MRPL13: variants seen among roughly 807,000 people sequenced by gnomAD.
MRPL13 encodes the protein mitochondrial ribosomal protein L13, also known as large ribosomal subunit protein uL13m.
In MRPL13, 33 loss-of-function variants were observed where a neutral mutation model predicts 29.0. The observed-to-expected ratio is 1.14, with a 90% CI of 0.86 to 1.52. The LOEUF (loss-of-function observed/expected upper bound fraction) is 1.52. Among genes scored for constraint, MRPL13 ranks in the 40% most tolerant of loss-of-function variants. MRPL13 has a pLI of 0.00. For synonymous variants in MRPL13, 77 were observed against 68.4 expected (o/e 1.13, Z -0.62); for missense variants, 227 against 216.7 (o/e 1.05, Z -0.30).
chr8:120,410,143 G>A (rs1279009808), intron 6 of MRPL13, among the ~76,000 whole-genome samples: 1 of 152,082 alleles, frequency 6.6e-6, no homozygotes, highest in African/African-American at 2.4e-5. Flanking sequence ...CAAATTATAA[G>A]ATGTACATTC....
chr8:120,400,004 A>C (rs998217150), intron 6 of MRPL13, among the ~76,000 whole-genome samples: 3 of 152,210 alleles, frequency 2.0e-5, no homozygotes, highest in African/African-American at 7.2e-5. Context: ...AGAGACCTAT[A>C]AAGAGACTTA....
Position 120,443,169 on chromosome 8 carries a change from C to T in MRPL13, c.151+16G>A. On this transcript the variant is annotated intron_variant, in intron 2 of 6. Coordinates refer to ENST00000306185, the MANE Select transcript of MRPL13 (RefSeq NM_014078.6). Reference sequence around the variant, plus strand: ...AAAACTACAGTGGTTAATGACAGGTCTAAAATAATACTTACTCAGTGCATG... The same window carrying T: ...AAAACTACAGTGGTTAATGACAGGTTTAAAATAATACTTACTCAGTGCATG... 6.6e-7 allele frequency: 1 copy of T among 1,522,346 alleles called. No individual in the cohort carries two copies. The highest frequency in any genetic ancestry group is 1.3e-5 in the South Asian group (1 of 74,840). The allele number at this position is 1,522,346 out of a possible 1,614,324, so 94.3% of individuals were successfully genotyped here.
chr8:120,421,497 C>A (rs1366432646), intron 4 of MRPL13, among the ~76,000 whole-genome samples: 1 of 151,800 alleles, frequency 6.6e-6, no homozygotes, highest in Non-Finnish European at 1.5e-5. Context: ...ACAGTAAGAA[C>A]TGATAAGCAA....
chr8:120,421,763 CAA>C (rs756120655), intron 4 of MRPL13, among the ~76,000 whole-genome samples: 52 of 151,858 alleles, frequency 3.4e-4, no homozygotes, highest in African/African-American at 1.0e-3. Context: ...ACAATTTCTA[CAA>C]AAGTTACCTA....
At chr8:120,409,573 G>C (rs950945052) in intron 6 of MRPL13, among the ~76,000 whole-genome samples, 1 of 151,634 alleles carries the variant, frequency 6.6e-6, no homozygotes, top group East Asian at 1.9e-4. Context: ...AAAGAAAAAA[G>C]AAAAAAAATC....
At chr8:120,442,342 T>A (rs1813134024) in intron 2 of MRPL13, among the ~76,000 whole-genome samples, 1 of 152,162 alleles carries the variant, frequency 6.6e-6, no homozygotes, top group Non-Finnish European at 1.5e-5. Context: ...AATTCTTCCA[T>A]GTGTGCTAAG....
chr8:120,420,444 A>G (rs1319771392), intron 4 of MRPL13, among the ~76,000 whole-genome samples: 2 of 147,650 alleles, frequency 1.4e-5, no homozygotes, highest in Non-Finnish European at 3.0e-5. Context: ...TAATGTATGT[A>G]AATATATATA....
chr8:120,428,603 C>G (rs1812960333), intron 3 of MRPL13, among the ~76,000 whole-genome samples: 2 of 152,024 alleles, frequency 1.3e-5, no homozygotes, highest in South Asian at 2.1e-4. Flanking sequence ...TGACAAAGGT[C>G]TAATATCCAG....
chr8:120,441,717 C>G (rs1024459948), intron 2 of MRPL13, among the ~76,000 whole-genome samples: 1 of 152,188 alleles, frequency 6.6e-6, no homozygotes, highest in East Asian at 1.9e-4. Flanking sequence ...CTTGGGAAAA[C>G]CAAAGAAATT....
intron 6 of MRPL13, among the ~76,000 whole-genome samples, chr8:120,408,775 TC>T (rs1394248626): frequency 6.6e-6 from 1 of 152,224 alleles, no homozygotes; most frequent in Non-Finnish European, 1.5e-5. Context: ...ATAATCTTTT[TC>T]TGAGTATTAA....
At chr8:120,444,834 C>T (rs1332445762) in intron 1 of MRPL13, 5 of 425,758 alleles carry the variant, frequency 1.2e-5, no homozygotes, top group South Asian at 8.2e-5. Context: ...CTTCCCCCCG[C>T]CCCCCCAAGA....
chr8:120,430,889 G>C (rs1166984349), intron 3 of MRPL13, among the ~76,000 whole-genome samples: 1 of 151,996 alleles, frequency 6.6e-6, no homozygotes, highest in Non-Finnish European at 1.5e-5. Flanking sequence ...AATTACCATA[G>C]CATTTTGTGT....
In MRPL13 at chr8:120,437,877, C is replaced by CA. The variant is rs576636618; in HGVS notation, c.151+5307dup. 2.2e-4 allele frequency among the ~76,000 whole-genome samples: 33 copies of CA among 151,448 alleles called. 1 individual carries two copies. The South Asian group carries it at 6.1e-3, about 28-fold the overall frequency. On this transcript the variant is annotated intron_variant, in intron 2 of 6. Transcript: ENST00000306185. ...TTCTGGGAAACTGTAGGTCAATTTT[C>CA]AAAAAAAATATGTTTATAGTGATTA...
intron 1 of MRPL13, among the ~76,000 whole-genome samples, chr8:120,444,158 A>AT (rs796320333): frequency 6.6e-6 from 1 of 151,740 alleles, no homozygotes; most frequent in Non-Finnish European, 1.5e-5. Context: ...GAAAAAAAAA[A>AT]TTTTTAATGA....
intron 6 of MRPL13, among the ~76,000 whole-genome samples, chr8:120,411,359 T>C (rs975363046): frequency 6.6e-6 from 1 of 152,176 alleles, no homozygotes; most frequent in Non-Finnish European, 1.5e-5. Flanking sequence ...TGAGCCACCA[T>C]GCCTGGCTGA....
intron 1 of MRPL13, among the ~76,000 whole-genome samples, chr8:120,444,303 G>A (rs983831722): frequency 7.9e-5 from 12 of 152,176 alleles, no homozygotes; most frequent in Non-Finnish European, 1.8e-4. Context: ...GCGGCACTGA[G>A]TTGAGAGTCA....
At chr8:120,418,738 A>T (rs1437684645) in intron 5 of MRPL13, among the ~76,000 whole-genome samples, 1 of 152,072 alleles carries the variant, frequency 6.6e-6, no homozygotes, top group Non-Finnish European at 1.5e-5. Context: ...ACAATCAGAA[A>T]TAGGAGTTCT....
At chr8:120,444,394 G>A (rs1443587289) in intron 1 of MRPL13, among the ~76,000 whole-genome samples, 1 of 152,088 alleles carries the variant, frequency 6.6e-6, no homozygotes, top group Non-Finnish European at 1.5e-5. Flanking sequence ...TATCTCAGTT[G>A]ATGACACACC....
chr8:120,409,573 G>T (rs950945052), intron 6 of MRPL13, among the ~76,000 whole-genome samples: 2 of 151,634 alleles, frequency 1.3e-5, no homozygotes, highest in African/African-American at 4.8e-5. Flanking sequence ...AAAGAAAAAA[G>T]AAAAAAAATC....
Sources: allele counts gnomAD v4.1 joint callset (sites outside exome capture counted in the v4.1 genomes callset), GRCh38; gene constraint gnomAD v4.1.1; transcripts MANE v1.5; gene names NCBI Gene and HGNC (gene_info 2026-07-23, HGNC 2026-07-21).